LRRFIP1: variants seen among roughly 807,000 people sequenced by gnomAD.
LRRFIP1 encodes leucine-rich repeat flightless-interacting protein 1.
Under a neutral mutation model 104.4 loss-of-function variants are expected in LRRFIP1, and 62 were observed. The observed-to-expected ratio is 0.59, with a 90% confidence interval of 0.48 to 0.73. The LOEUF (loss-of-function observed/expected upper bound fraction) is 0.73. Ranked by LOEUF, LRRFIP1 falls within the 30% of genes least tolerant of loss-of-function variation. The pLI, the probability that LRRFIP1 is intolerant of heterozygous loss-of-function variation, is 0.00. For missense variants in LRRFIP1, 796 were observed against 824.5 expected, an observed-to-expected ratio of 0.97 and a Z score of 0.42; for synonymous variants, 300 against 299.0, an observed-to-expected ratio of 1.00 and a Z score of -0.03.
At chr2:237,685,111 C>T (rs1184584035) in intron 1 of LRRFIP1, among the ~76,000 whole-genome samples, 6 of 146,580 alleles carry the variant, frequency 4.1e-5, no homozygotes, top group East Asian at 2.0e-4. Context: ...CCTACCCTCC[C>T]CCCCCCACAC....
intron 21 of LRRFIP1, chr2:237,772,469 C>T (rs2060726820): frequency 8.8e-6 from 4 of 452,176 alleles, no homozygotes; most frequent in East Asian, 7.3e-5. Context: ...TTGCTGGATA[C>T]AGCAATCTTT....
intron 1 of LRRFIP1, among the ~76,000 whole-genome samples, chr2:237,630,836 A>T (rs2082241711): frequency 6.6e-6 from 1 of 152,196 alleles, no homozygotes; most frequent in Non-Finnish European, 1.5e-5. Flanking sequence ...CCTCAGGCTG[A>T]CTTGCTTCAT....
chr2:237,714,116 C>T, intron 2 of LRRFIP1, 143 bp from the exon 3 acceptor site: 3 of 549,726 alleles, frequency 5.5e-6, no homozygotes, highest in South Asian at 5.8e-5. Context: ...TCAGTGGGAC[C>T]TCACCTGTTT....
chr2:237,731,600 G>A (rs181595821), intron 8 of LRRFIP1, among the ~76,000 whole-genome samples: 1 of 152,264 alleles, frequency 6.6e-6, no homozygotes, highest in East Asian at 1.9e-4. Context: ...CTTAATTCAA[G>A]AGATTTTGCT....
chr2:237,759,527 A>G (rs949934684), intron 18 of LRRFIP1, among the ~76,000 whole-genome samples: 2 of 152,196 alleles, frequency 1.3e-5, no homozygotes, highest in Non-Finnish European at 2.9e-5. Flanking sequence ...GCAGGAGGGC[A>G]TGGGTGAGTG....
intron 1 of LRRFIP1, among the ~76,000 whole-genome samples, chr2:237,631,741 A>G (rs2082368905): frequency 1.3e-5 from 2 of 152,220 alleles, no homozygotes; most frequent in African/African-American, 4.8e-5. Flanking sequence ...TCACCATGCA[A>G]TTCAAAGTAT....
At chr2:237,767,750 A>G (rs2060333588) in intron 19 of LRRFIP1, among the ~76,000 whole-genome samples, 1 of 152,190 alleles carries the variant, frequency 6.6e-6, no homozygotes. Context: ...TTCTATTCAT[A>G]GACTCCCTTT....
At chr2:237,692,183 G>C in intron 1 of LRRFIP1, 1 of 1,035,060 alleles carries the variant, frequency 9.7e-7, no homozygotes, top group Non-Finnish European at 1.2e-6. Flanking sequence ...GGGCGGAGGC[G>C]CCCGAGTCCC....
At chr2:237,698,024 A>C (rs1281311109) in intron 1 of LRRFIP1, among the ~76,000 whole-genome samples, 2 of 152,244 alleles carry the variant, frequency 1.3e-5, no homozygotes, top group African/African-American at 4.8e-5. Flanking sequence ...TGCTAAGCCC[A>C]AGATTGTGTT....
At chr2:237,706,018 C>T (rs557392026) in intron 1 of LRRFIP1, among the ~76,000 whole-genome samples, 33 of 152,336 alleles carry the variant, frequency 2.2e-4, no homozygotes, top group African/African-American at 7.5e-4. Context: ...AGTCAACTGA[C>T]GAAGGATTTT....
chr2:237,757,444 T>A lies in LRRFIP1; in HGVS notation c.1132-12T>A, dbSNP rs2059387742. The A allele has an allele frequency of 6.4e-7, 1 of 1,559,660 alleles. No homozygotes were observed. Among genetic ancestry groups the A allele is most frequent in the Non-Finnish European group, 8.7e-7 (1 of 1,146,936 alleles). On this transcript the variant is annotated splice_polypyrimidine_tract_variant and intron_variant, in intron 16 of 23. Coordinates refer to ENST00000308482, the MANE Select transcript of LRRFIP1 (RefSeq NM_001137550.2). The stretch of plus-strand genomic sequence containing the variant: ...AACCCTTTATCTGCTTTCTGTCTGT[T>A]CCTTTCCTCAGGAAATCCGACAGCT...
chr2:237,655,435 T>A (rs2086657614), intron 1 of LRRFIP1, among the ~76,000 whole-genome samples: 1 of 145,644 alleles, frequency 6.9e-6, no homozygotes, highest in South Asian at 2.4e-4. Flanking sequence ...ATGGAAAGAA[T>A]TTGCATTTAT....
intron 1 of LRRFIP1, among the ~76,000 whole-genome samples, chr2:237,688,903 A>G (rs953634150): frequency 3.3e-5 from 5 of 152,004 alleles, no homozygotes; most frequent in African/African-American, 1.2e-4. Context: ...TACTGGGATG[A>G]ACATTTTGTG....
chr2:237,695,226 T>C (rs1211570745), intron 1 of LRRFIP1, among the ~76,000 whole-genome samples: 2 of 152,156 alleles, frequency 1.3e-5, no homozygotes, highest in African/African-American at 4.8e-5. Context: ...AAATTTCCCT[T>C]TTTCTTTAAG....
intron 1 of LRRFIP1, among the ~76,000 whole-genome samples, chr2:237,642,474 T>C (rs921671634): frequency 2.7e-5 from 4 of 150,892 alleles, no homozygotes; most frequent in Admixed American, 2.0e-4. Flanking sequence ...AGGCTGAGGG[T>C]TTCAGGTTCC....
At chr2:237,739,370 C>G in intron 11 of LRRFIP1, 61 bp downstream of exon 11, 1 of 1,381,124 alleles carries the variant, frequency 7.2e-7, no homozygotes, top group Non-Finnish European at 9.9e-7. Flanking sequence ...CTTCCCTTAT[C>G]CTCCTCTTCC....
chr2:237,656,640 C>T (rs12464149), intron 1 of LRRFIP1, among the ~76,000 whole-genome samples: 1 of 152,108 alleles, frequency 6.6e-6, no homozygotes, highest in Non-Finnish European at 1.5e-5. Flanking sequence ...CCATGTGACT[C>T]ACGTATGATT....
intron 1 of LRRFIP1, among the ~76,000 whole-genome samples, chr2:237,676,678 T>C (rs2091204378): frequency 6.6e-6 from 1 of 152,206 alleles, no homozygotes; most frequent in South Asian, 2.1e-4. Flanking sequence ...AATTTTTGTA[T>C]TTTTAGTAGA....
intron 1 of LRRFIP1, among the ~76,000 whole-genome samples, chr2:237,683,164 G>A (rs191952788): frequency 2.6e-4 from 39 of 152,332 alleles, no homozygotes; most frequent in Admixed American, 2.0e-3. Flanking sequence ...CAAAAAGCCC[G>A]ACAGCACATT....
Sources: gnomAD v4.1 joint callset for allele counts (sites outside exome capture counted in the v4.1 genomes callset) on GRCh38, gnomAD v4.1.1 for gene constraint, MANE v1.5 for transcripts, NCBI Gene and HGNC (gene_info 2026-07-23, HGNC 2026-07-21) for gene names.